The following CACNA1C variants were observed in gnomAD, a reference collection of about 807,000 sequenced individuals.
The protein encoded by CACNA1C is voltage-dependent L-type calcium channel subunit alpha-1C.
CACNA1C carries 30 observed loss-of-function variants against 229.0 expected under a neutral mutation model. The observed-to-expected ratio is 0.13, with a 90% CI of 0.10 to 0.18. The LOEUF is 0.18. Among genes scored for constraint, CACNA1C ranks in the 10% least tolerant of loss-of-function variants. The pLI is 1.00. For missense variants in CACNA1C, 1,658 were observed against 2,845.0 expected (o/e 0.58, Z 9.49); for synonymous variants, 1,114 against 1,132.5 (o/e 0.98, Z 0.33).
intron 3 of CACNA1C, among the ~76,000 whole-genome samples, chr12:2,260,187 GA>G (rs1446661216): frequency 6.6e-6 from 1 of 152,158 alleles, no homozygotes; most frequent in Non-Finnish European, 1.5e-5. Context: ...GGAAAAAAGA[GA>G]AGTATGGGCT....
rs137928543 is a variant in CACNA1C at position 2,480,040 on chromosome 12, G to A, written c.758-6064G>A. 7.9e-3 allele frequency among the ~76,000 whole-genome samples: 1,202 copies of A among 152,288 alleles called. 19 individuals carry two copies. Among genetic ancestry groups the A allele is most frequent in the African/African-American group, 0.027 (1,116 of 41,544 alleles). On this transcript the variant is annotated intron_variant, in intron 5 of 46. Coordinates refer to ENST00000399655, the MANE Select transcript of CACNA1C (RefSeq NM_000719.7). ...TTTCCTCCACTTTACCAGCGAGGAC[G>A]TTATCAGGAGGGCCTTCCTCGTGTG...
intron 1 of CACNA1C, among the ~76,000 whole-genome samples, chr12:2,060,121 G>A (rs1205904691): frequency 6.6e-6 from 1 of 152,208 alleles, no homozygotes; most frequent in Non-Finnish European, 1.5e-5. Flanking sequence ...TCTGCAAACA[G>A]ATCTGCCTCT....
At chr12:2,147,145 C>T (rs1395338449) in intron 3 of CACNA1C, among the ~76,000 whole-genome samples, 1 of 151,326 alleles carries the variant, frequency 6.6e-6, no homozygotes, top group East Asian at 1.9e-4. Context: ...GAAATTACAG[C>T]AAACGAATCA....
rs150671527 is a variant in CACNA1C at position 2,064,039 on chromosome 12, G to A, written c.49+10428G>A. On this transcript the variant is annotated intron_variant, in intron 1 of 46. Coordinates refer to ENST00000399655, the MANE Select transcript of CACNA1C (RefSeq NM_000719.7). ...CTATTGTGTCAGTAGTGAGGGTTTG[G>A]TATTTAGTCTGGGCTCCCAGTTCCT... Among the ~76,000 whole-genome samples the A allele has an allele frequency of 2.1e-3, 324 of 152,246 alleles. 2 individuals carry two copies. Among genetic ancestry groups the A allele is most frequent in the African/African-American group, 7.1e-3 (297 of 41,552 alleles).
Position 2,108,292 on chromosome 12 carries a change from A to G in CACNA1C, c.50-6932A>G, listed in dbSNP as rs1340852934. 6.6e-6 allele frequency among the ~76,000 whole-genome samples: 1 copy of G among 152,226 alleles called. No individual in the cohort carries two copies. Among genetic ancestry groups the G allele is most frequent in the African/African-American group, 2.4e-5 (1 of 41,456 alleles). On this transcript the variant is annotated intron_variant, in intron 1 of 46. Coordinates refer to ENST00000399655, the MANE Select transcript of CACNA1C (RefSeq NM_000719.7). This position sits in a 1 kb window ranked among gnomAD's most constrained non-coding sequence, Gnocchi z 5.3. Reference sequence around the variant, plus strand: ...GGCCGGGTCTGTGGGAATGATTCCCAAAACAGTGCTGCAGAACAGGCCCCC... The same window carrying G: ...GGCCGGGTCTGTGGGAATGATTCCCGAAACAGTGCTGCAGAACAGGCCCCC...
chr12:2,557,091 C>T (rs938535461), intron 11 of CACNA1C, 114 bp downstream of exon 11: 1 of 777,094 alleles, frequency 1.3e-6, no homozygotes. Context: ...AAGGGCTGTT[C>T]TTCTAAGGGG....
intron 3 of CACNA1C, among the ~76,000 whole-genome samples, chr12:2,337,425 GC>G (rs2096732453): frequency 1.3e-5 from 2 of 152,324 alleles, no homozygotes; most frequent in South Asian, 4.1e-4. Flanking sequence ...GTGCTCACCA[GC>G]CCTCCAGCCT....
At chr12:2,490,914 A>G (rs2099723534) in intron 6 of CACNA1C, among the ~76,000 whole-genome samples, 1 of 152,194 alleles carries the variant, frequency 6.6e-6, no homozygotes. Context: ...GGACTCACAC[A>G]CAACTTTAAG....
chr12:2,486,044 G>T lies in CACNA1C; in HGVS notation c.758-60G>T. 7.3e-7 allele frequency: 1 copy of T among 1,371,698 alleles called. No homozygotes were observed. The allele number at this position is 1,371,698 out of a possible 1,614,324, so 85.0% of individuals were successfully genotyped here. A position where few individuals can be genotyped will look rare whatever the true frequency, so the allele number is the denominator to read the frequency against. Reference sequence around the variant, plus strand: ...GCAGAGTTGCTGGAAGATTGCATGAGATGGCGTCAGCACGGTACCGCGGTG... The same window carrying T: ...GCAGAGTTGCTGGAAGATTGCATGATATGGCGTCAGCACGGTACCGCGGTG... On this transcript the variant is annotated intron_variant, in intron 5 of 46. Coordinates refer to ENST00000399655, the MANE Select transcript of CACNA1C (RefSeq NM_000719.7). This position sits in a 1 kb window ranked among gnomAD's most constrained non-coding sequence, Gnocchi z 4.9.
intron 3 of CACNA1C, among the ~76,000 whole-genome samples, chr12:2,381,430 A>G (rs1461830464): frequency 6.6e-6 from 1 of 152,240 alleles, no homozygotes; most frequent in Non-Finnish European, 1.5e-5. Flanking sequence ...TTGTAGAGAC[A>G]GATGATGGAT....
chr12:2,560,547 T>G lies in CACNA1C; in HGVS notation c.1508+3570T>G, dbSNP rs1474278615. On this transcript the variant is annotated intron_variant, in intron 11 of 46. Transcript: ENST00000399655. ...TGTTCAGAATAAATGTAAACAGTTA[T>G]GAAACAAATGATTCAGGAAGTCTTT... Among the ~76,000 whole-genome samples the G allele has an allele frequency of 2.0e-5, 3 of 152,222 alleles. No individual in the cohort carries two copies. In the East Asian group the frequency reaches 5.8e-4, roughly 29 times the overall value.
chr12:2,671,816 T>C (rs1238083381), intron 38 of CACNA1C, among the ~76,000 whole-genome samples: 1 of 152,178 alleles, frequency 6.6e-6, no homozygotes, highest in African/African-American at 2.4e-5. Context: ...GACTATCTTT[T>C]AAACACAAAG....
rs2153905077 is a variant in CACNA1C at position 2,697,121 on chromosome 12, C to G, written c.*5922C>G. 1 of 152,542 alleles carries G rather than the reference C, an allele frequency of 6.6e-6. No homozygotes were observed. The highest frequency in any genetic ancestry group is 2.1e-4 in the South Asian group (1 of 4,834). 9.4% of individuals were successfully genotyped at this position (152,542 alleles called of 1,614,324 possible). On this transcript the variant is annotated 3_prime_UTR_variant, in exon 47 of 47. Coordinates refer to ENST00000399655, the MANE Select transcript of CACNA1C (RefSeq NM_000719.7). ...TCCAGCATCCCAAAGCTGTGCGCAC[C>G]TTCTCTTTTCCTGCCTCAGGCCACC...
chr12:2,349,282 A>C (rs1394735837), intron 3 of CACNA1C, among the ~76,000 whole-genome samples: 1 of 152,192 alleles, frequency 6.6e-6, no homozygotes, highest in Non-Finnish European at 1.5e-5. Flanking sequence ...GTGTGAGTGG[A>C]ACCTTGGTGT....
At chr12:2,331,051 T>C (rs1448667743) in intron 3 of CACNA1C, among the ~76,000 whole-genome samples, 1 of 152,206 alleles carries the variant, frequency 6.6e-6, no homozygotes, top group Non-Finnish European at 1.5e-5. Flanking sequence ...GTAGTATTTT[T>C]CCTTAATATC....
intron 45 of CACNA1C, among the ~76,000 whole-genome samples, chr12:2,687,490 C>T (rs2097565115): frequency 1.3e-5 from 2 of 152,158 alleles, no homozygotes; most frequent in Admixed American, 6.5e-5. Context: ...CTGGTCCCTA[C>T]CCTCAGGATG....
chr12:1,995,798 C>CA (rs2040654805), intron 1 of CACNA1C, among the ~76,000 whole-genome samples: 1 of 152,216 alleles, frequency 6.6e-6, no homozygotes, highest in Non-Finnish European at 1.5e-5. Context: ...CCTCTTTATA[C>CA]TCACTCCTTC....
intron 1 of CACNA1C, among the ~76,000 whole-genome samples, chr12:2,030,455 A>G (rs1045299742): frequency 6.6e-6 from 1 of 152,020 alleles, no homozygotes; most frequent in Admixed American, 6.5e-5. Context: ...TTTGCCAATA[A>G]TGAATTTTTA....
At chr12:2,077,631 T>C (rs193020961) in intron 1 of CACNA1C, among the ~76,000 whole-genome samples, 1 of 152,308 alleles carries the variant, frequency 6.6e-6, no homozygotes, top group East Asian at 1.9e-4. Context: ...CCATAGAAGT[T>C]TGGAGCTGGA....
Sources: allele counts gnomAD v4.1 joint callset (sites outside exome capture counted in the v4.1 genomes callset), GRCh38; gene constraint gnomAD v4.1.1; non-coding constraint Gnocchi (gnomAD v3.1); transcripts MANE v1.5; gene names NCBI Gene and HGNC (gene_info 2026-07-23, HGNC 2026-07-21).